PHYKPL: variants seen among roughly 807,000 people sequenced by gnomAD.
PHYKPL encodes 5-phosphonooxy-L-lysine phospho-lyase.
A neutral mutation model predicts 51.3 loss-of-function variants in PHYKPL; 42 were observed. That is an observed-to-expected ratio of 0.82 (90% CI 0.64 to 1.06). The LOEUF (loss-of-function observed/expected upper bound fraction) is 1.06. PHYKPL is among the 50% of genes least tolerant of loss of function. PHYKPL has a pLI of 0.00. For missense variants in PHYKPL, 655 were observed against 586.6 expected (o/e 1.12, Z -1.20); for synonymous variants, 264 against 236.0 (o/e 1.12, Z -1.09).
chr5:178,228,690 G>A (rs1024955372), intron 3 of PHYKPL: 17 of 688,540 alleles, frequency 2.5e-5, no homozygotes, highest in East Asian at 1.3e-4. Flanking sequence ...ATAATTCAAC[G>A]CCACCACCTA....
At chr5:178,229,142 T>C (rs1762883300) in intron 3 of PHYKPL, among the ~76,000 whole-genome samples, 1 of 150,992 alleles carries the variant, frequency 6.6e-6, no homozygotes, top group South Asian at 2.1e-4. Context: ...AGCCTCTCTC[T>C]GTCCTGCAGA....
intron 1 of PHYKPL, chr5:178,232,152 T>C: frequency 8.3e-7 from 1 of 1,199,646 alleles, no homozygotes; most frequent in Non-Finnish European, 1.0e-6. Context: ...TGAGGTCCTC[T>C]CAGGCGCCAG....
chr5:178,232,822 CGGGCCTCGCCCCGCAGGCCCCGCCCCGCA>C (rs577186457), upstream of PHYKPL: 228 of 293,316 alleles, frequency 7.8e-4, 4 homozygotes, highest in East Asian at 1.0e-2. Context: ...GGACGCGCCC[CGGGCCTCGCCCCGCAGGCCCCGCCCCGCA>C]GGCCCCTGCG....
rs556356896 is a variant in PHYKPL, at chr5:178,231,603, C to A, written c.60-80G>T. On this transcript the variant is annotated intron_variant, in intron 1 of 12. Coordinates refer to ENST00000308158, the MANE Select transcript of PHYKPL (RefSeq NM_153373.4). ...TCTACTCATCGCAGACCCCCGCCCA[C>A]CCCTTCCCAGTTTCTGGTGGCGGGG... 7 of 1,604,320 alleles carry A rather than the reference C, an allele frequency of 4.4e-6. No individual in the cohort carries two copies. The African/African-American group carries it at 8.1e-5, about 19-fold the overall frequency.
chr5:178,228,356 G>C, intron 3 of PHYKPL: 1 of 590,340 alleles, frequency 1.7e-6, no homozygotes, highest in Non-Finnish European at 3.0e-6. Context: ...CCGGAGAGTG[G>C]TAACTGTCAA....
rs748270062 is a variant in PHYKPL, at chr5:178,222,834, C to T, written c.701+18G>A. 1 of 1,613,618 alleles carries T rather than the reference C, an allele frequency of 6.2e-7. No homozygotes were observed. The highest frequency in any genetic ancestry group is 1.1e-5 in the South Asian group (1 of 91,034). On this transcript the variant is annotated intron_variant, in intron 7 of 12. Coordinates refer to ENST00000308158, the MANE Select transcript of PHYKPL (RefSeq NM_153373.4). ...AGACCCCTGCCCTCCCTAGAGCAGA[C>T]CCCGCCCACCTACTCACTCTGCCAC... is the stretch of plus-strand genomic sequence containing the variant.
chr5:178,232,409 AGTGCGTGC>A lies in PHYKPL; in HGVS notation c.59+75_59+82del, dbSNP rs575569308. The A allele has an allele frequency of 3.0e-6, 4 of 1,345,034 alleles. No individual in the cohort carries two copies. The Admixed American group carries it at 1.2e-4, about 41-fold the overall frequency. 83.3% of individuals were successfully genotyped at this position (1,345,034 alleles called of 1,614,324 possible). ...GCTTCCTAGCCGGAGGCGCGTGCGT[AGTGCGTGC>A]GTGCGTGCGTCGTGCGTGCGCGTGC... On this transcript the variant is annotated intron_variant, in intron 1 of 12. Coordinates refer to ENST00000308158, the MANE Select transcript of PHYKPL (RefSeq NM_153373.4).
At chr5:178,223,703 C>T (rs1761677969) in intron 6 of PHYKPL, 1 of 348,962 alleles carries the variant, frequency 2.9e-6, no homozygotes, top group Non-Finnish European at 5.7e-6. Flanking sequence ...CTTTGTCGTA[C>T]CTCCTGTGTC....
intron 4 of PHYKPL, 126 bp from the exon 5 acceptor site, chr5:178,224,855 G>A: frequency 1.4e-6 from 1 of 689,954 alleles, no homozygotes; most frequent in Non-Finnish European, 2.5e-6. Context: ...GAGCCCCCAA[G>A]TTCTTGGGCT....
At chr5:178,223,882 T>A in intron 6 of PHYKPL, 1 of 197,964 alleles carries the variant, frequency 5.1e-6, no homozygotes, top group South Asian at 8.0e-5. Flanking sequence ...ACTTGGGGCC[T>A]GCTGGCCACT....
At chr5:178,231,616 T>C in intron 1 of PHYKPL, 93 bp from the exon 2 acceptor site, 3 of 1,592,818 alleles carry the variant, frequency 1.9e-6, no homozygotes, top group Non-Finnish European at 2.6e-6. Context: ...CTTCCCAGTT[T>C]CTGGTGGCGG....
chr5:178,225,294 G>C (rs1442377358), intron 4 of PHYKPL, 61 bp downstream of exon 4: 2 of 1,590,618 alleles, frequency 1.3e-6, no homozygotes, highest in African/African-American at 2.7e-5. Context: ...CAGTCTCACG[G>C]ATCACCAAGA....
chr5:178,216,394 T>C (rs892886217), intron 8 of PHYKPL: 4 of 152,172 alleles, frequency 2.6e-5, no homozygotes, highest in African/African-American at 7.2e-5. Flanking sequence ...TATAAACTCT[T>C]GGCTGAGTGA....
Position 178,227,386 on chromosome 5 carries a change from C to G in PHYKPL, c.339-1957G>C, listed in dbSNP as rs190588695. Among the ~76,000 whole-genome samples, 13 of 152,352 alleles carry G rather than the reference C, an allele frequency of 8.5e-5. No homozygotes were observed. In the East Asian group the frequency reaches 2.5e-3, roughly 29 times the overall value. On this transcript the variant is annotated intron_variant, in intron 3 of 12. Coordinates refer to ENST00000308158, the MANE Select transcript of PHYKPL (RefSeq NM_153373.4). The stretch of plus-strand genomic sequence containing the variant: ...AGAAAATAAATGTCTTTTGTTTAAG[C>G]CACTCAGTCTCTGGTATTTTCTTAT...
chr5:178,225,605 G>C (rs1333825872), intron 3 of PHYKPL, 176 bp from the exon 4 acceptor site: 3 of 616,500 alleles, frequency 4.9e-6, no homozygotes, highest in East Asian at 5.5e-5. Context: ...AGAAGCTGGG[G>C]GAAAAAGAGT....
intron 3 of PHYKPL, among the ~76,000 whole-genome samples, chr5:178,227,682 T>C (rs539783253): frequency 6.6e-6 from 1 of 152,180 alleles, no homozygotes; most frequent in Non-Finnish European, 1.5e-5. Flanking sequence ...CTCAGTGCCA[T>C]GTGAAGCCAC....
At chr5:178,224,151 C>T (rs1350950175) in intron 6 of PHYKPL, among the ~76,000 whole-genome samples, 1 of 152,216 alleles carries the variant, frequency 6.6e-6, no homozygotes, top group African/African-American at 2.4e-5. Context: ...GATGCCCTTC[C>T]TCTGCTACTC....
intron 8 of PHYKPL, among the ~76,000 whole-genome samples, chr5:178,220,476 C>T (rs140552100): frequency 5.9e-5 from 9 of 152,168 alleles, no homozygotes; most frequent in Admixed American, 2.6e-4. Context: ...GCCTGGGCAA[C>T]AAGAGTGAAA....
At chr5:178,224,964 C>G in intron 4 of PHYKPL, 1 of 572,284 alleles carries the variant, frequency 1.7e-6, no homozygotes, top group East Asian at 2.9e-5. Flanking sequence ...CGGTTGTTTT[C>G]TCTGCTGTGA....
Sources: gnomAD v4.1 joint callset for allele counts (sites outside exome capture counted in the v4.1 genomes callset) on GRCh38, gnomAD v4.1.1 for gene constraint, MANE v1.5 for transcripts, NCBI Gene and HGNC (gene_info 2026-07-23, HGNC 2026-07-21) for gene names.